The following PPP1R1C variants were observed in gnomAD, a reference collection of about 807,000 sequenced individuals.
PPP1R1C encodes protein phosphatase 1 regulatory subunit 1C.
Under a neutral mutation model 17.4 loss-of-function variants are expected in PPP1R1C, and 15 were observed. The observed-to-expected ratio is 0.86, with a 90% CI of 0.58 to 1.33. The LOEUF is 1.33. Among genes scored for constraint, PPP1R1C ranks in the 40% most tolerant of loss-of-function variants. PPP1R1C has a pLI of 0.00. For missense variants in PPP1R1C, 143 were observed against 130.0 expected, an observed-to-expected ratio of 1.10 and a Z score of -0.48; for synonymous variants, 35 against 43.1, an observed-to-expected ratio of 0.81 and a Z score of 0.73.
At chr2:181,977,089 G>A (rs975605401) in intron 2 of PPP1R1C, among the ~76,000 whole-genome samples, 10 of 123,994 alleles carry the variant, frequency 8.1e-5, no homozygotes, top group Admixed American at 2.0e-4. Flanking sequence ...AGCTGAGATC[G>A]TGCCATTGCA....
chr2:182,049,924 T>A (rs999328578), intron 2 of PPP1R1C, among the ~76,000 whole-genome samples: 1 of 152,204 alleles, frequency 6.6e-6, no homozygotes, highest in African/African-American at 2.4e-5. Context: ...TCTTCAATTT[T>A]ATCACTCTAG....
In PPP1R1C at chr2:182,117,341, T is replaced by C. The variant is rs1424377269; in HGVS notation, c.*46T>C. ...GGCTTCTTGGAAATAACTGAACTAT[T>C]AACTTTTCTGAGTATACCATGGAAT... On this transcript the variant is annotated 3_prime_UTR_variant, in exon 5 of 5. Coordinates refer to ENST00000682840, the MANE Select transcript of PPP1R1C (RefSeq NM_001080545.3). 16 of 1,366,526 alleles carry C rather than the reference T, an allele frequency of 1.2e-5. No homozygotes were observed. The highest frequency in any genetic ancestry group is 6.5e-5 in the Admixed American group (3 of 46,064). 84.7% of individuals were successfully genotyped at this position (1,366,526 alleles called of 1,614,324 possible). A position where few individuals can be genotyped will look rare whatever the true frequency, so the allele number is the denominator to read the frequency against.
At chr2:182,127,693 A>G (rs139739022) in intron 5 of PPP1R1C, among the ~76,000 whole-genome samples, 1 of 152,204 alleles carries the variant, frequency 6.6e-6, no homozygotes, top group African/African-American at 2.4e-5. Flanking sequence ...TCACCGGACT[A>G]TCCCTTGATG....
At chr2:182,005,545 T>C (rs1685894370) in intron 2 of PPP1R1C, among the ~76,000 whole-genome samples, 1 of 152,212 alleles carries the variant, frequency 6.6e-6, no homozygotes, top group South Asian at 2.1e-4. Context: ...GTTATCTAAA[T>C]ATGGTTTTGG....
intron 5 of PPP1R1C, among the ~76,000 whole-genome samples, chr2:182,124,340 T>TTTTTTTTTTTTTTTTTTTG (rs1689820366): frequency 7.7e-6 from 1 of 129,826 alleles, no homozygotes; most frequent in African/African-American, 3.2e-5. Flanking sequence ...TTTTTTTTTG[T>TTTTTTTTTTTTTTTTTTTG]TTTTTTTTTT....
intron 2 of PPP1R1C, among the ~76,000 whole-genome samples, chr2:182,007,018 G>C (rs370523268): frequency 6.6e-6 from 1 of 151,938 alleles, no homozygotes; most frequent in Non-Finnish European, 1.5e-5. Context: ...TTATTTATGC[G>C]GAGGACATAA....
At chr2:181,968,503 T>C (rs1037052643) in intron 1 of PPP1R1C, among the ~76,000 whole-genome samples, 1 of 152,232 alleles carries the variant, frequency 6.6e-6, no homozygotes, top group Non-Finnish European at 1.5e-5. Context: ...CTAATATAAG[T>C]ATAGTTACTC....
chr2:182,107,258 T>C (rs1237335284), intron 4 of PPP1R1C, among the ~76,000 whole-genome samples: 2 of 151,824 alleles, frequency 1.3e-5, no homozygotes, highest in Non-Finnish European at 2.9e-5. Flanking sequence ...GACTTTTAAG[T>C]AGAGACGTCA....
intron 4 of PPP1R1C, among the ~76,000 whole-genome samples, chr2:182,116,482 G>A (rs1274536996): frequency 6.6e-6 from 1 of 152,124 alleles, no homozygotes; most frequent in African/African-American, 2.4e-5. Flanking sequence ...GGATGAAGAT[G>A]TCTGGCAATG....
chr2:182,102,020 A>G (rs993988766), intron 4 of PPP1R1C, among the ~76,000 whole-genome samples: 1 of 152,234 alleles, frequency 6.6e-6, no homozygotes, highest in African/African-American at 2.4e-5. Flanking sequence ...ATGACAAAAT[A>G]GGATTGTAAA....
intron 2 of PPP1R1C, among the ~76,000 whole-genome samples, chr2:181,996,705 G>GT (rs1685621648): frequency 6.6e-6 from 1 of 152,054 alleles, no homozygotes; most frequent in South Asian, 2.1e-4. Context: ...AATCTTTCAT[G>GT]TTTTTTTCAT....
intron 4 of PPP1R1C, among the ~76,000 whole-genome samples, chr2:182,096,373 A>T (rs1515891): frequency 0.26 from 39,387 of 152,014 alleles, 5,560 homozygotes; most frequent in African/African-American, 0.38. Context: ...CAGGAGAAAG[A>T]CAGAGTGACC....
chr2:182,088,395 T>C (rs1574441912), intron 4 of PPP1R1C, among the ~76,000 whole-genome samples: 1 of 152,226 alleles, frequency 6.6e-6, no homozygotes, highest in South Asian at 2.1e-4. Flanking sequence ...AATCTTCTAG[T>C]CAATGATTAA....
chr2:182,115,484 G>C (rs1354803698), intron 4 of PPP1R1C, among the ~76,000 whole-genome samples: 1 of 152,064 alleles, frequency 6.6e-6, no homozygotes, highest in African/African-American at 2.4e-5. Flanking sequence ...TACTAGACAG[G>C]TGTTTACCAC....
intron 2 of PPP1R1C, among the ~76,000 whole-genome samples, chr2:181,978,053 T>C (rs1685125002): frequency 6.6e-6 from 1 of 152,146 alleles, no homozygotes; most frequent in Admixed American, 6.5e-5. Context: ...ACAATCATGG[T>C]GGAAGACAAA....
At chr2:182,017,331 T>C (rs1180892589) in intron 2 of PPP1R1C, among the ~76,000 whole-genome samples, 2 of 152,126 alleles carry the variant, frequency 1.3e-5, no homozygotes, top group East Asian at 1.9e-4. Context: ...ATTTTAACTC[T>C]ATAACCACTA....
intron 2 of PPP1R1C, among the ~76,000 whole-genome samples, chr2:181,975,753 T>C (rs1434455992): frequency 6.6e-6 from 1 of 151,980 alleles, no homozygotes; most frequent in Non-Finnish European, 1.5e-5. Flanking sequence ...CAATGCATAT[T>C]GAAAGGCCCT....
chr2:181,971,667 A>T (rs1041404386), intron 1 of PPP1R1C, among the ~76,000 whole-genome samples: 1 of 152,138 alleles, frequency 6.6e-6, no homozygotes, highest in Non-Finnish European at 1.5e-5. Context: ...TGAGGCATAG[A>T]TTGCCTTTCA....
intron 2 of PPP1R1C, among the ~76,000 whole-genome samples, chr2:181,988,294 A>G (rs1306513669): frequency 6.6e-6 from 1 of 152,232 alleles, no homozygotes; most frequent in Non-Finnish European, 1.5e-5. Context: ...TTTTATATGG[A>G]AAAGGTTGAC....
Sources: gnomAD v4.1 joint callset for allele counts (sites outside exome capture counted in the v4.1 genomes callset) on GRCh38, gnomAD v4.1.1 for gene constraint, MANE v1.5 for transcripts, NCBI Gene and HGNC (gene_info 2026-07-23, HGNC 2026-07-21) for gene names.